SLC6A16: variants seen among roughly 807,000 people sequenced by gnomAD.
SLC6A16 encodes solute carrier family 6 member 16.
SLC6A16 carries 54 observed loss-of-function variants against 65.4 expected under a neutral mutation model. The observed-to-expected ratio is 0.83, with a 90% confidence interval of 0.66 to 1.04. SLC6A16 has a LOEUF of 1.04. Ranked by LOEUF, SLC6A16 falls within the 50% of genes least tolerant of loss-of-function variation. SLC6A16 has a pLI of 0.00. For missense variants in SLC6A16, 816 were observed against 914.0 expected, an observed-to-expected ratio of 0.89 and a Z score of 1.38; for synonymous variants, 330 against 346.5, an observed-to-expected ratio of 0.95 and a Z score of 0.53.
At position 49,311,181 on chromosome 19, in the gene SLC6A16, A is replaced by C; in HGVS notation, c.167T>G (p.Val56Gly). The change falls in exon 2 of 12, where the codon GTT (valine) becomes GGT (glycine). Residue 56 changes from valine to glycine, a missense_variant. Val to Gly is a moderately radical substitution (Grantham distance 109). Coordinates refer to ENST00000335875, the MANE Select transcript of SLC6A16 (RefSeq NM_014037.3). Reference sequence around the variant, plus strand: ...ACTGGTCCTGGCCTGAGCCTCTGCAACCCGGGCTGCTGAAACTTGGGCCTC... The same window carrying C: ...ACTGGTCCTGGCCTGAGCCTCTGCACCCCGGGCTGCTGAAACTTGGGCCTC... ...TSEAQVSAAR[V>G]AEAQARTSQP... The C allele has an allele frequency of 6.2e-7, 1 of 1,614,076 alleles. No homozygotes were observed. The highest frequency in any genetic ancestry group is 1.1e-5 in the South Asian group (1 of 91,066).
chr19:49,318,434 A>G (rs935331550), intron 1 of SLC6A16, among the ~76,000 whole-genome samples: 23 of 152,320 alleles, frequency 1.5e-4, no homozygotes, highest in African/African-American at 5.5e-4. Flanking sequence ...CTGTCACAAC[A>G]AAGGCCAACA....
In SLC6A16 at chr19:49,290,586, G is replaced by T. The variant is rs772939545; in HGVS notation, c.1941+19C>A. 5.6e-6 allele frequency: 9 copies of T among 1,613,438 alleles called. No individual in the cohort carries two copies. The African/African-American group carries it at 1.1e-4, about 19-fold the overall frequency. ...GGCCCCTACTCCCAAAGGGGTTCTG[G>T]GTCCTGGGGGAGGCTCACGGTGCTT... On this transcript the variant is annotated intron_variant, in intron 11 of 11. Transcript: ENST00000335875.
At chr19:49,318,385 C>T (rs548286816) in intron 1 of SLC6A16, among the ~76,000 whole-genome samples, 31 of 152,174 alleles carry the variant, frequency 2.0e-4, no homozygotes, top group African/African-American at 7.5e-4. Context: ...AAAAGCAACC[C>T]TTAAACAGCC....
At chr19:49,333,280 C>G in the SLC6A16 span, among the ~76,000 whole-genome samples, 1 of 152,020 alleles carries the variant, frequency 6.6e-6, no homozygotes, top group Non-Finnish European at 1.5e-5. Context: ...CGAGGTCAGC[C>G]TGGCCAACAT....
At chr19:49,293,480 G>T in intron 9 of SLC6A16, 98 bp from the exon 10 acceptor site, 1 of 1,203,402 alleles carries the variant, frequency 8.3e-7, no homozygotes, top group South Asian at 1.3e-5. Flanking sequence ...CAGACCCAGT[G>T]GTAGCCGGGC....
chr19:49,335,983 T>C, the SLC6A16 span: 1 of 605,176 alleles, frequency 1.7e-6, no homozygotes, highest in South Asian at 2.0e-5. The surrounding 1 kb of genome is among the most constrained non-coding windows in gnomAD (Gnocchi z 4.6). Flanking sequence ...ACAATGATCA[T>C]GAGAGCCATT....
the SLC6A16 span, chr19:49,340,128 C>T: frequency 3.9e-6 from 6 of 1,537,782 alleles, no homozygotes; most frequent in South Asian, 5.7e-5. Context: ...TACCTATCCC[C>T]TTCTCCAGCC....
At chr19:49,310,254 A>G (rs978135341) in intron 3 of SLC6A16, 88 bp from the exon 4 acceptor site, 2 of 1,604,576 alleles carry the variant, frequency 1.2e-6, no homozygotes, top group African/African-American at 1.3e-5. Flanking sequence ...AACCAAAGGG[A>G]TCTGACCCAT....
upstream of SLC6A16, among the ~76,000 whole-genome samples, chr19:49,326,442 C>T (rs1384911088): frequency 6.6e-6 from 1 of 152,060 alleles, no homozygotes; most frequent in African/African-American, 2.4e-5. Flanking sequence ...TTCAAGAGCC[C>T]CCAGGAGTCC....
At chr19:49,334,531 G>A in the SLC6A16 span, among the ~76,000 whole-genome samples, 1 of 150,966 alleles carries the variant, frequency 6.6e-6, no homozygotes, top group Admixed American at 6.6e-5. Context: ...CCCAAAGAAG[G>A]GGCCAGAAGC....
chr19:49,323,650 A>G (rs1224563289), intron 1 of SLC6A16, among the ~76,000 whole-genome samples: 4 of 152,214 alleles, frequency 2.6e-5, no homozygotes, highest in African/African-American at 9.6e-5. Context: ...GCAAATGAAA[A>G]CTACAATGAG....
At chr19:49,294,220 C>A in intron 8 of SLC6A16, 147 bp downstream of exon 8, 1 of 906,472 alleles carries the variant, frequency 1.1e-6, no homozygotes. Context: ...AAGGCCATTC[C>A]GCAAAGTATA....
chr19:49,315,342 A>G (rs1254567985), intron 1 of SLC6A16, among the ~76,000 whole-genome samples: 1 of 152,224 alleles, frequency 6.6e-6, no homozygotes, highest in Non-Finnish European at 1.5e-5. Flanking sequence ...CAGAGAATGC[A>G]ACAGCAGGTG....
chr19:49,302,449 G>A lies in SLC6A16; in HGVS notation c.1229+6427C>T, dbSNP rs762360928. ...TCCCTCCAACCTGGACCCACCACAC[G>A]CACCCCCACCCACAGTTGGCACTCT... is the stretch of plus-strand genomic sequence containing the variant. On this transcript the variant is annotated intron_variant, in intron 7 of 11. Transcript: ENST00000335875. 9.6e-4 allele frequency among the ~76,000 whole-genome samples: 146 copies of A among 152,194 alleles called. 1 individual carries two copies. The highest frequency in any genetic ancestry group is 1.7e-3 in the Non-Finnish European group (116 of 68,006).
chr19:49,332,027 C>T, the SLC6A16 span: 1 of 452,168 alleles, frequency 2.2e-6, no homozygotes. Flanking sequence ...AGACTTACTA[C>T]TTAGAACAAC....
At chr19:49,308,741 G>A in intron 7 of SLC6A16, 135 bp downstream of exon 7, 4 of 946,524 alleles carry the variant, frequency 4.2e-6, no homozygotes, top group Non-Finnish European at 6.4e-6. Flanking sequence ...TTAGCTATGG[G>A]GAAGGTAGAG....
Position 49,309,423 on chromosome 19 carries a change from G to C in SLC6A16, c.877-12C>G, listed in dbSNP as rs377468641. 1.7e-5 allele frequency: 27 copies of C among 1,592,032 alleles called. No homozygotes were observed. In the African/African-American group the frequency reaches 3.6e-4, roughly 21 times the overall value. On this transcript the variant is annotated splice_polypyrimidine_tract_variant and intron_variant, in intron 5 of 11. Coordinates refer to ENST00000335875, the MANE Select transcript of SLC6A16 (RefSeq NM_014037.3). The stretch of plus-strand genomic sequence containing the variant: ...AAGACATAGATTACCTGAATCGAGA[G>C]TGGGACATATCAGCAACCGTGTACC...
At chr19:49,328,887 G>T (rs1327544088), upstream of SLC6A16, among the ~76,000 whole-genome samples, 1 of 152,178 alleles carries the variant, frequency 6.6e-6, no homozygotes, top group African/African-American at 2.4e-5. Context: ...CCATATAAGA[G>T]AAGAGCTGAA....
At chr19:49,338,034 G>GC in the SLC6A16 span, 2 of 1,613,484 alleles carry the variant, frequency 1.2e-6, no homozygotes, top group South Asian at 2.2e-5. The surrounding 1 kb of genome is among the most constrained non-coding windows in gnomAD (Gnocchi z 5.0). Flanking sequence ...TTCCAGGTAA[G>GC]CCCCCCTCCT....
Sources: allele counts gnomAD v4.1 joint callset (sites outside exome capture counted in the v4.1 genomes callset), GRCh38; gene constraint gnomAD v4.1.1; non-coding constraint Gnocchi (gnomAD v3.1); transcripts MANE v1.5; gene names NCBI Gene and HGNC (gene_info 2026-07-23, HGNC 2026-07-21).